Variants in RGSL1 observed in about 807,000 individuals in gnomAD.
RGSL1 encodes the protein regulator of G protein signaling like 1.
RGSL1 carries 97 observed loss-of-function variants against 124.7 expected under a neutral mutation model. That is an observed-to-expected ratio of 0.78 (90% confidence interval 0.66 to 0.92). The LOEUF is 0.92. Ranked by LOEUF, RGSL1 falls within the 40% of genes least tolerant of loss-of-function variation. RGSL1 has a pLI of 0.00. For missense variants in RGSL1, 1,233 were observed against 1,288.4 expected, an observed-to-expected ratio of 0.96 and a Z score of 0.66; for synonymous variants, 424 against 438.1, an observed-to-expected ratio of 0.97 and a Z score of 0.40.
chr1:182,481,797 T>C (rs978892727), intron 6 of RGSL1, among the ~76,000 whole-genome samples: 1 of 152,036 alleles, frequency 6.6e-6, no homozygotes, highest in Admixed American at 6.6e-5. Flanking sequence ...CTAGGCAACA[T>C]GACAAAACTC....
At chr1:182,531,538 A>G (rs916315862) in intron 13 of RGSL1, among the ~76,000 whole-genome samples, 4 of 152,328 alleles carry the variant, frequency 2.6e-5, no homozygotes, top group Non-Finnish European at 5.9e-5. Flanking sequence ...GCCCAGCTTG[A>G]TCTGACTCCA....
intron 9 of RGSL1, among the ~76,000 whole-genome samples, chr1:182,501,533 G>T (rs1333125023): frequency 6.6e-6 from 1 of 151,474 alleles, no homozygotes; most frequent in Non-Finnish European, 1.5e-5. Flanking sequence ...TGTCTAGGAT[G>T]GTCTTGAACT....
chr1:182,513,109 A>G (rs914801857), intron 9 of RGSL1, among the ~76,000 whole-genome samples: 3 of 152,348 alleles, frequency 2.0e-5, no homozygotes, highest in South Asian at 4.1e-4. Context: ...GGCCTTTGCC[A>G]GGGAACTGCC....
upstream of RGSL1, chr1:182,449,279 A>C (rs1651650398): frequency 6.6e-6 from 1 of 152,220 alleles, no homozygotes; most frequent in African/African-American, 2.4e-5. Flanking sequence ...ATTCTAAAGA[A>C]AGTACAGCAC....
intron 4 of RGSL1, among the ~76,000 whole-genome samples, chr1:182,470,837 G>A (rs1653774222): frequency 6.6e-6 from 1 of 152,066 alleles, no homozygotes; most frequent in South Asian, 2.1e-4. Flanking sequence ...AGTAACTTTT[G>A]GCTCACTAGG....
At chr1:182,539,501 A>C (rs1289491424) in intron 14 of RGSL1, among the ~76,000 whole-genome samples, 1 of 152,170 alleles carries the variant, frequency 6.6e-6, no homozygotes, top group Non-Finnish European at 1.5e-5. Flanking sequence ...CACTTCAATA[A>C]ATCCTGAACA....
chr1:182,467,453 A>C (rs1474705229), intron 4 of RGSL1, among the ~76,000 whole-genome samples: 1 of 152,222 alleles, frequency 6.6e-6, no homozygotes, highest in Admixed American at 6.5e-5. Context: ...GAGCCCTCAG[A>C]AATAATGCCA....
intron 5 of RGSL1, 67 bp downstream of exon 5, chr1:182,472,624 T>C (rs549908748): frequency 9.9e-6 from 14 of 1,416,438 alleles, no homozygotes; most frequent in Middle Eastern, 1.9e-4. Context: ...CTGATAATCC[T>C]CAGTCTCCTT....
intron 9 of RGSL1, among the ~76,000 whole-genome samples, chr1:182,512,885 C>T (rs1002661535): frequency 6.6e-6 from 1 of 152,180 alleles, no homozygotes; most frequent in African/African-American, 2.4e-5. Flanking sequence ...GAACTCCTCT[C>T]AATGTTCTGA....
intron 6 of RGSL1, among the ~76,000 whole-genome samples, chr1:182,481,296 A>G (rs895563023): frequency 2.6e-5 from 4 of 152,280 alleles, no homozygotes; most frequent in South Asian, 4.1e-4. Context: ...AATAAAAAGG[A>G]TAATGAGACT....
chr1:182,540,370 T>C lies in RGSL1; in HGVS notation c.2618T>C (p.Ile873Thr). Residue 873 changes from isoleucine to threonine, a missense_variant, in exon 15 of 22, where the codon ATC becomes ACC. Coordinates refer to ENST00000294854, the MANE Select transcript of RGSL1 (RefSeq NM_001137669.2). ...VKRRIFGHRIITVNFAINDLY... is the reference protein window; with the variant it reads ...VKRRIFGHRITTVNFAINDLY... ...CGTCGTATATTTGGCCACAGGATTA[T>C]CACTGTCAACTTTGCGATCAATGAT... The C allele has an allele frequency of 6.4e-7, 1 of 1,551,322 alleles. No individual in the cohort carries two copies. Among genetic ancestry groups the C allele is most frequent in the Non-Finnish European group, 8.7e-7 (1 of 1,146,734 alleles).
intron 6 of RGSL1, 95 bp from the exon 7 acceptor site, chr1:182,488,190 C>T: frequency 8.2e-7 from 1 of 1,222,140 alleles, no homozygotes; most frequent in Non-Finnish European, 1.2e-6. Context: ...AACCCAGAAT[C>T]TTCAGCCTAC....
chr1:182,532,860 A>T, intron 14 of RGSL1, 69 bp downstream of exon 14: 1 of 1,477,624 alleles, frequency 6.8e-7, no homozygotes, highest in South Asian at 1.2e-5. Context: ...CCCACATAAG[A>T]AGCTTATTGC....
At chr1:182,467,219 C>G (rs1170568962) in intron 4 of RGSL1, among the ~76,000 whole-genome samples, 1 of 152,088 alleles carries the variant, frequency 6.6e-6, no homozygotes, top group Non-Finnish European at 1.5e-5. Context: ...TCAATGCCAT[C>G]CCCATCAAGC....
At chr1:182,464,461 C>T (rs1418005473) in intron 4 of RGSL1, among the ~76,000 whole-genome samples, 1 of 152,102 alleles carries the variant, frequency 6.6e-6, no homozygotes, top group East Asian at 1.9e-4. Flanking sequence ...TGGTGGCTCA[C>T]GCCTGTAATC....
chr1:182,461,602 G>C (rs1283468444), intron 4 of RGSL1, among the ~76,000 whole-genome samples: 1 of 151,804 alleles, frequency 6.6e-6, no homozygotes, highest in Non-Finnish European at 1.5e-5. Flanking sequence ...ACTAAAGGAA[G>C]ATGTAGAGAA....
chr1:182,453,679 T>A (rs1652033136), intron 1 of RGSL1: 1 of 308,190 alleles, frequency 3.2e-6, no homozygotes, highest in African/African-American at 2.1e-5. Flanking sequence ...AGGAAGACAG[T>A]CACAGTAGGA....
Position 182,474,436 on chromosome 1 carries a change from G to A in RGSL1, c.1325G>A (p.Gly442Asp), listed in dbSNP as rs1237158027. 1 of 1,552,040 alleles carries A rather than the reference G, an allele frequency of 6.4e-7. No individual in the cohort carries two copies. The highest frequency in any genetic ancestry group is 1.2e-5 in the South Asian group (1 of 84,064). ...ICELYLNEQI[G>D]PCLPLKSQTI... is the part of the protein sequence containing the mutation. ...GAGCTCTACCTGAATGAGCAGATTG[G>A]TCCGTGCTTACCACTCAAATCCCAA... The change falls in exon 6 of 22, where the codon GGT becomes GAT. Residue 442 changes from glycine to aspartate, a missense_variant. Physicochemically the swap from Gly to Asp is moderately conservative, Grantham distance 94 (BLOSUM62 -1). Coordinates refer to ENST00000294854, the MANE Select transcript of RGSL1 (RefSeq NM_001137669.2).
intron 9 of RGSL1, among the ~76,000 whole-genome samples, chr1:182,498,309 G>GTATATGCCTCCCAGGTGCA (rs1553263978): frequency 3.1e-3 from 34 of 10,946 alleles, no homozygotes; most frequent in Admixed American, 0.021. Context: ...TTGCTTTTTT[G>GTATATGCCTCCCAGGTGCA]TATATGCCTC....
Sources: gnomAD v4.1 joint callset for allele counts (sites outside exome capture counted in the v4.1 genomes callset) on GRCh38, gnomAD v4.1.1 for gene constraint, MANE v1.5 for transcripts, NCBI Gene and HGNC (gene_info 2026-07-23, HGNC 2026-07-21) for gene names.